Variants in ELOVL6 observed in about 807,000 individuals in gnomAD.
The protein encoded by ELOVL6 is very long chain fatty acid elongase 6.
ELOVL6 carries 8 observed loss-of-function variants against 31.7 expected under a neutral mutation model. The ratio of observed to expected loss-of-function variants is 0.25; its 90% CI spans 0.15 to 0.45. The LOEUF is 0.45. Among genes scored for constraint, ELOVL6 ranks in the 20% least tolerant of loss-of-function variants. The pLI is 1.00. For synonymous variants in ELOVL6, 101 were observed against 117.7 expected, an observed-to-expected ratio of 0.86 and a Z score of 0.92; for missense variants, 126 against 326.4, an observed-to-expected ratio of 0.39 and a Z score of 4.73.
chr4:110,094,558 G>A (rs1447563199), intron 2 of ELOVL6, among the ~76,000 whole-genome samples: 1 of 148,648 alleles, frequency 6.7e-6, no homozygotes, highest in Non-Finnish European at 1.5e-5. Flanking sequence ...TCTGGGCAAG[G>A]GAAGAGCAAA....
intron 1 of ELOVL6, among the ~76,000 whole-genome samples, chr4:110,192,927 GAC>G (rs1376158770): frequency 6.6e-6 from 1 of 152,132 alleles, no homozygotes; most frequent in Non-Finnish European, 1.5e-5. Context: ...GTACAATATA[GAC>G]ACACTATATT....
intron 2 of ELOVL6, among the ~76,000 whole-genome samples, chr4:110,067,661 A>G (rs752051671): frequency 1.3e-5 from 2 of 152,250 alleles, no homozygotes; most frequent in Non-Finnish European, 2.9e-5. Context: ...CGATCTCTGC[A>G]TCAGGTGCTG....
chr4:110,172,393 G>C (rs893262380), intron 1 of ELOVL6, among the ~76,000 whole-genome samples: 3 of 152,184 alleles, frequency 2.0e-5, no homozygotes, highest in African/African-American at 7.2e-5. Flanking sequence ...TGAAAATGTT[G>C]TGACCAGACA....
At chr4:110,147,407 G>T (rs1758149051) in intron 1 of ELOVL6, among the ~76,000 whole-genome samples, 1 of 151,888 alleles carries the variant, frequency 6.6e-6, no homozygotes, top group South Asian at 2.1e-4. Flanking sequence ...TCAAAGCACA[G>T]GCAACAAAAA....
intron 1 of ELOVL6, among the ~76,000 whole-genome samples, chr4:110,195,222 A>G (rs904579077): frequency 6.6e-6 from 1 of 152,116 alleles, no homozygotes; most frequent in African/African-American, 2.4e-5. Flanking sequence ...GGTTCAAGCA[A>G]TTCTCCTGCC....
chr4:110,109,307 A>G (rs564015670), intron 1 of ELOVL6, among the ~76,000 whole-genome samples: 2 of 152,348 alleles, frequency 1.3e-5, no homozygotes, highest in East Asian at 3.9e-4. Context: ...CCATAATTAT[A>G]GGTACTTAAT....
intron 2 of ELOVL6, among the ~76,000 whole-genome samples, chr4:110,084,359 C>CATAT (rs1560815026): frequency 8.1e-5 from 3 of 37,242 alleles, no homozygotes; most frequent in African/African-American, 3.7e-4. Flanking sequence ...ATGATATATA[C>CATAT]CGCATATATG....
chr4:110,049,156 T>G lies in ELOVL6; in HGVS notation c.*2182A>C, dbSNP rs367677624. ...TTGCATCCTAAGCATCTATTAGCTC[T>G]TATAAAAGGACCTGTCTTTTCAGCT... On this transcript the variant is annotated 3_prime_UTR_variant, in exon 4 of 4. Transcript: ENST00000302274. 1.4e-4 allele frequency: 22 copies of G among 152,260 alleles called. No homozygotes were observed. The highest frequency in any genetic ancestry group is 5.8e-4 in the East Asian group (3 of 5,204). 9.4% of individuals were successfully genotyped at this position (152,260 alleles called of 1,614,324 possible). A position where few individuals can be genotyped will look rare whatever the true frequency, so the allele number is the denominator to read the frequency against.
chr4:110,052,660 T>C (rs1255368126), intron 3 of ELOVL6, among the ~76,000 whole-genome samples: 1 of 152,222 alleles, frequency 6.6e-6, no homozygotes, highest in African/African-American at 2.4e-5. Flanking sequence ...TCTGCAATGC[T>C]TCACTGAAAA....
chr4:110,118,646 A>T (rs1258329612), intron 1 of ELOVL6, among the ~76,000 whole-genome samples: 2 of 152,208 alleles, frequency 1.3e-5, no homozygotes, highest in Non-Finnish European at 2.9e-5. Context: ...TGATCTGTTT[A>T]CGGGCACCTA....
chr4:110,139,959 G>A (rs915741401), intron 1 of ELOVL6, among the ~76,000 whole-genome samples: 5 of 152,136 alleles, frequency 3.3e-5, no homozygotes, highest in East Asian at 1.9e-4. Context: ...CATCAGGGAC[G>A]GATGGCTGTG....
chr4:110,167,653 TTATGTATGTATG>T (rs33925081), intron 1 of ELOVL6, among the ~76,000 whole-genome samples: 2,019 of 139,536 alleles, frequency 0.014, 24 homozygotes, highest in Middle Eastern at 0.039. Context: ...ACCACCTCAG[TTATGTATGTATG>T]TATGTATGTA....
chr4:110,197,179 C>T (rs28382291), intron 1 of ELOVL6, among the ~76,000 whole-genome samples: 2,453 of 152,320 alleles, frequency 0.016, 60 homozygotes, highest in African/African-American at 0.055. Flanking sequence ...GGGCTGCCGG[C>T]CCCTTGCCTA....
At chr4:110,070,837 C>T (rs896332265) in intron 2 of ELOVL6, among the ~76,000 whole-genome samples, 2 of 152,160 alleles carry the variant, frequency 1.3e-5, no homozygotes, top group Admixed American at 1.3e-4. Context: ...CCCAGCCATG[C>T]TTCCTGTACA....
intron 2 of ELOVL6, among the ~76,000 whole-genome samples, chr4:110,096,874 T>C (rs1432528668): frequency 6.6e-6 from 1 of 152,126 alleles, no homozygotes; most frequent in East Asian, 1.9e-4. Flanking sequence ...GGCAGTTATG[T>C]GAATGTGTGT....
intron 1 of ELOVL6, among the ~76,000 whole-genome samples, chr4:110,106,927 A>G (rs1329030788): frequency 6.6e-6 from 1 of 152,200 alleles, no homozygotes; most frequent in African/African-American, 2.4e-5. Flanking sequence ...AGCAACAGAA[A>G]CCTTATAAAT....
chr4:110,180,108 A>C (rs983384604), intron 1 of ELOVL6, among the ~76,000 whole-genome samples: 2 of 152,162 alleles, frequency 1.3e-5, no homozygotes, highest in Admixed American at 6.5e-5. Context: ...TCTCAAAAAC[A>C]CGGTAGAGTT....
chr4:110,060,414 G>A (rs1464528055), intron 2 of ELOVL6, among the ~76,000 whole-genome samples: 1 of 152,306 alleles, frequency 6.6e-6, no homozygotes, highest in Admixed American at 6.5e-5. Flanking sequence ...TAGAACCAGT[G>A]TTGTGCTAAT....
intron 2 of ELOVL6, among the ~76,000 whole-genome samples, chr4:110,085,190 G>A (rs1756215500): frequency 6.6e-6 from 1 of 152,132 alleles, no homozygotes; most frequent in South Asian, 2.1e-4. Context: ...ATGTGGGGAG[G>A]GGAAATCATA....
Sources: allele counts gnomAD v4.1 joint callset (sites outside exome capture counted in the v4.1 genomes callset), GRCh38; gene constraint gnomAD v4.1.1; transcripts MANE v1.5; gene names NCBI Gene and HGNC (gene_info 2026-07-23, HGNC 2026-07-21).